Variants in DMRTC1 observed in about 807,000 individuals in gnomAD.
The protein encoded by DMRTC1 is DMRT like family C1, also known as doublesex- and mab-3-related transcription factor C1.
For synonymous variants in DMRTC1, 7 were observed against 14.1 expected (o/e 0.50, Z 1.13); for missense variants, 9 against 34.6 (o/e 0.26, Z 1.86).
At chrX:72,922,658 CAAA>C (rs1371259884) in intron 1 of DMRTC1, among the ~76,000 whole-genome samples, 22,078 of 35,331 alleles carry the variant, frequency 0.62, 8,175 homozygotes, top group Non-Finnish European at 0.88. Flanking sequence ...ACAACAACAA[CAAA>C]AAAAAAAACC....
chrX:72,915,761 GA>G (rs1453429470), intron 1 of DMRTC1, among the ~76,000 whole-genome samples: 1 of 25,130 alleles, frequency 4.0e-5, no homozygotes, highest in African/African-American at 2.0e-4. Flanking sequence ...AATGGGGAAA[GA>G]CAGGTCAGCA....
At chrX:72,879,806 CTCCCTCCCTCCT>C (rs2054837611) in intron 1 of DMRTC1, among the ~76,000 whole-genome samples, 1 of 91,012 alleles carries the variant, frequency 1.1e-5, no homozygotes, top group Admixed American at 1.2e-4. Flanking sequence ...TCCTTCCTTC[CTCCCTCCCTCCT>C]TCCCTCCCTC....
intron 1 of DMRTC1, among the ~76,000 whole-genome samples, chrX:72,882,355 A>G (rs1387335407): frequency 4.0e-4 from 3 of 7,524 alleles, no homozygotes; most frequent in African/African-American, 6.2e-4. Flanking sequence ...ATACATGATG[A>G]ATTTGATAAG....
chrX:72,872,631 T>C (rs1316730215), intron 6 of DMRTC1, 67 bp from the exon 7 acceptor site: 1 of 1,193,949 alleles, frequency 8.4e-7, no homozygotes, highest in Non-Finnish European at 1.1e-6. Flanking sequence ...CTACTCTTTT[T>C]ATGCGTCCCG....
chrX:72,879,147 GT>G (rs781972795), intron 1 of DMRTC1, among the ~76,000 whole-genome samples: 219 of 12,815 alleles, frequency 0.017, 2 homozygotes, highest in Non-Finnish European at 0.027. Flanking sequence ...TTTTTTGTTT[GT>G]TTTTTTTTTT....
At chrX:72,879,664 C>T (rs1388095582) in intron 1 of DMRTC1, among the ~76,000 whole-genome samples, 7 of 109,738 alleles carry the variant, frequency 6.4e-5, no homozygotes, top group Admixed American at 2.9e-4. Context: ...CCAAGTTTAA[C>T]TTATAATCCA....
At chrX:72,906,203 CT>C (rs1336655275) in intron 1 of DMRTC1, among the ~76,000 whole-genome samples, 3 of 42,611 alleles carry the variant, frequency 7.0e-5, no homozygotes, top group Non-Finnish European at 1.2e-4. Context: ...AACAGAAAAT[CT>C]GTACAGAACA....
At chrX:72,882,087 G>A (rs1232787940) in intron 1 of DMRTC1, among the ~76,000 whole-genome samples, 1 of 81,095 alleles carries the variant, frequency 1.2e-5, no homozygotes, top group Non-Finnish European at 2.3e-5. Flanking sequence ...CTTGGCCTTA[G>A]TATTCATTCA....
chrX:72,905,985 C>A, intron 1 of DMRTC1, among the ~76,000 whole-genome samples: 1 of 104,905 alleles, frequency 9.5e-6, no homozygotes, highest in African/African-American at 3.6e-5. Context: ...AATTAACAAA[C>A]CTTTAGCCAG....
chrX:72,874,607 C>T (rs1253292615), intron 4 of DMRTC1, among the ~76,000 whole-genome samples: 2 of 91,616 alleles, frequency 2.2e-5, no homozygotes, highest in Non-Finnish European at 4.2e-5. Context: ...CTAGGAGAGC[C>T]CTGTCCTCGC....
rs782699518 is a variant in DMRTC1, at chrX:72,872,413, A to G, written c.*39T>C. The stretch of plus-strand genomic sequence containing the variant: ...TTGCACATTCAGAAACTGGATACCA[A>G]ATAGGCAGTGCTCTATTGAGGCCTC... On this transcript the variant is annotated 3_prime_UTR_variant, in exon 7 of 7. Coordinates refer to ENST00000615063, the MANE Select transcript of DMRTC1 (RefSeq NM_033053.3). 1.7e-5 allele frequency: 13 copies of G among 775,597 alleles called. No individual in the cohort carries two copies. In the African/African-American group the frequency reaches 2.3e-4, roughly 14 times the overall value. 63.9% of individuals were successfully genotyped at this position (775,597 alleles called of 1,213,427 possible). A position where few individuals can be genotyped will look rare whatever the true frequency, so the allele number is the denominator to read the frequency against.
chrX:72,872,442 C>T lies in DMRTC1; in HGVS notation c.*10G>A, dbSNP rs782148211. 1.5e-5 allele frequency: 15 copies of T among 1,033,880 alleles called. No homozygotes were observed. The East Asian group carries it at 1.7e-4, about 11-fold the overall frequency. 85.2% of individuals were successfully genotyped at this position (1,033,880 alleles called of 1,213,427 possible). On this transcript the variant is annotated 3_prime_UTR_variant, in exon 7 of 7. Coordinates refer to ENST00000615063, the MANE Select transcript of DMRTC1 (RefSeq NM_033053.3). ...GGCAGTGCTCTATTGAGGCCTCCTC[C>T]TCTGGGTTCCTAGCTCAAGAGGGAG...
At chrX:72,882,090 T>C (rs1276802682) in intron 1 of DMRTC1, among the ~76,000 whole-genome samples, 1 of 81,064 alleles carries the variant, frequency 1.2e-5, no homozygotes, top group African/African-American at 4.5e-5. Flanking sequence ...GGCCTTAGTA[T>C]TCATTCAGGG....
chrX:72,905,952 T>C (rs782153244), intron 1 of DMRTC1, among the ~76,000 whole-genome samples: 1 of 111,954 alleles, frequency 8.9e-6, no homozygotes, highest in South Asian at 3.5e-4. Flanking sequence ...AAATAAGAGT[T>C]GGTTTTTTGA....
At chrX:72,913,284 C>G (rs2054965889) in intron 1 of DMRTC1, 1 of 856,898 alleles carries the variant, frequency 1.2e-6, no homozygotes, top group African/African-American at 2.2e-5. Flanking sequence ...TCTGAGACCA[C>G]CGGAGCCACA....
intron 1 of DMRTC1, among the ~76,000 whole-genome samples, chrX:72,905,762 A>T (rs1186381920): frequency 1.4e-5 from 1 of 69,170 alleles, no homozygotes. Flanking sequence ...GGCCTCCCAG[A>T]GTGCTGGAAT....
chrX:72,913,129 C>G (rs1358136794), intron 1 of DMRTC1: 9 of 497,855 alleles, frequency 1.8e-5, no homozygotes, highest in Admixed American at 3.0e-5. Flanking sequence ...CTCTGCCTGT[C>G]TCACTGGCTC....
At chrX:72,881,751 C>T (rs1806344476) in intron 1 of DMRTC1, among the ~76,000 whole-genome samples, 1 of 76,095 alleles carries the variant, frequency 1.3e-5, no homozygotes, top group African/African-American at 4.6e-5. Context: ...TTTCCAGAGC[C>T]GAGGCCTGTT....
intron 1 of DMRTC1, among the ~76,000 whole-genome samples, chrX:72,922,658 C>CA (rs1371259884): frequency 2.8e-5 from 1 of 35,344 alleles, no homozygotes; most frequent in African/African-American, 5.6e-5. Flanking sequence ...ACAACAACAA[C>CA]AAAAAAAAAA....
Sources: gnomAD v4.1 joint callset for allele counts (sites outside exome capture counted in the v4.1 genomes callset) on GRCh38, gnomAD v4.1.1 for gene constraint, MANE v1.5 for transcripts, NCBI Gene and HGNC (gene_info 2026-07-23, HGNC 2026-07-21) for gene names.